The following MAGI2 variants were observed in gnomAD, a reference collection of about 807,000 sequenced individuals.
MAGI2 encodes membrane associated guanylate kinase, WW and PDZ domain containing 2.
In MAGI2, 35 loss-of-function variants were observed where a neutral mutation model predicts 133.3. The observed-to-expected ratio is 0.26, with a 90% CI of 0.20 to 0.35. MAGI2 has a LOEUF of 0.35. Ranked by LOEUF, MAGI2 falls within the 10% of genes least tolerant of loss-of-function variation. The pLI, the probability that MAGI2 is intolerant of heterozygous loss-of-function variation, is 1.00. For synonymous variants in MAGI2, 729 were observed against 710.6 expected, an observed-to-expected ratio of 1.03 and a Z score of -0.41; for missense variants, 1,636 against 1,863.4, an observed-to-expected ratio of 0.88 and a Z score of 2.25.
At chr7:78,388,167 A>G (rs958575235) in intron 6 of MAGI2, among the ~76,000 whole-genome samples, 1 of 152,096 alleles carries the variant, frequency 6.6e-6, no homozygotes, top group Admixed American at 6.6e-5. Context: ...TTTATTCTGC[A>G]TGATGTTATA....
intron 21 of MAGI2, among the ~76,000 whole-genome samples, chr7:78,023,248 G>A (rs1209380041): frequency 6.6e-6 from 1 of 152,196 alleles, no homozygotes; most frequent in Non-Finnish European, 1.5e-5. Flanking sequence ...TCTAAGACTG[G>A]AAAATCTAGT....
chr7:78,862,320 C>T (rs551795485), intron 2 of MAGI2, among the ~76,000 whole-genome samples: 14 of 152,302 alleles, frequency 9.2e-5, no homozygotes, highest in African/African-American at 2.9e-4. Flanking sequence ...TTTAGGTCTC[C>T]TGGTCCTGAC....
chr7:78,169,712 T>C (rs924596374), intron 14 of MAGI2, among the ~76,000 whole-genome samples: 1 of 152,220 alleles, frequency 6.6e-6, no homozygotes, highest in African/African-American at 2.4e-5. Flanking sequence ...GTGTGGAATA[T>C]TAAGTGTTCT....
At chr7:78,146,123 A>T (rs1420139419) in intron 16 of MAGI2, among the ~76,000 whole-genome samples, 1 of 151,880 alleles carries the variant, frequency 6.6e-6, no homozygotes, top group African/African-American at 2.4e-5. Context: ...TATTTTAAAC[A>T]TAAAAATTTC....
intron 1 of MAGI2, among the ~76,000 whole-genome samples, chr7:79,013,904 G>A (rs992767190): frequency 1.3e-5 from 2 of 152,086 alleles, no homozygotes; most frequent in African/African-American, 4.8e-5. Context: ...TTCCATAGCT[G>A]AAAATTTTTA....
intron 1 of MAGI2, among the ~76,000 whole-genome samples, chr7:79,354,639 G>T (rs969851052): frequency 6.6e-6 from 1 of 152,120 alleles, no homozygotes. Context: ...TAAGAGAGGT[G>T]CCCTGGTCCC....
At chr7:78,177,766 G>A (rs572204824) in intron 14 of MAGI2, among the ~76,000 whole-genome samples, 2 of 151,974 alleles carry the variant, frequency 1.3e-5, no homozygotes, top group Admixed American at 6.6e-5. Context: ...GAATTCAATC[G>A]ATTCTAAAAA....
At chr7:78,855,591 T>C (rs1301681688) in intron 2 of MAGI2, among the ~76,000 whole-genome samples, 1 of 152,224 alleles carries the variant, frequency 6.6e-6, no homozygotes, top group African/African-American at 2.4e-5. Flanking sequence ...AACTCATCTG[T>C]TTTTATGGCT....
Position 78,239,253 on chromosome 7 carries a change from A to G in MAGI2, c.2047+16690T>C, listed in dbSNP as rs182616356. On this transcript the variant is annotated intron_variant, in intron 10 of 21. Transcript: ENST00000354212. ...ATTATATCTCTCACCATATACAAAT[A>G]TCAACTCAAAATGGCTCAAAGACTT... Among the ~76,000 whole-genome samples the G allele has an allele frequency of 6.6e-5, 10 of 152,320 alleles. No homozygotes were observed. The East Asian group carries it at 9.6e-4, about 15-fold the overall frequency.
intron 2 of MAGI2, among the ~76,000 whole-genome samples, chr7:78,987,621 A>G (rs1400711672): frequency 3.9e-5 from 6 of 152,058 alleles, no homozygotes; most frequent in African/African-American, 1.4e-4. Context: ...ACAACTATGG[A>G]ATATTTATTT....
In MAGI2 at chr7:78,256,430, A is replaced by T; in HGVS notation, c.1560T>A (p.Ala520=). The T allele has an allele frequency of 1.2e-6, 2 of 1,613,958 alleles. No individual in the cohort carries two copies. The highest frequency in any genetic ancestry group is 1.7e-6 in the Non-Finnish European group (2 of 1,179,968). The change falls in exon 10 of 22, where the codon GCT becomes GCA. Residue 520 remains alanine, a synonymous_variant. Coordinates refer to ENST00000354212, the MANE Select transcript of MAGI2 (RefSeq NM_012301.4). ...TTGCAAGGGGTGGCACCATGCTGTT[A>T]GCAGGGTCTTCAGGATCAAAGGGCA... is the stretch of plus-strand genomic sequence containing the variant. ...YPLPFDPEDP[A]NSMVPPLAIM... is the part of the protein sequence containing the mutation.
chr7:79,426,657 T>C (rs766546513), intron 1 of MAGI2, among the ~76,000 whole-genome samples: 26 of 152,298 alleles, frequency 1.7e-4, no homozygotes, highest in East Asian at 1.2e-3. Flanking sequence ...TCTACAAATA[T>C]GTCAAATTAA....
intron 2 of MAGI2, among the ~76,000 whole-genome samples, chr7:78,682,109 T>C (rs2151097325): frequency 6.6e-6 from 1 of 152,238 alleles, no homozygotes; most frequent in Non-Finnish European, 1.5e-5. Flanking sequence ...AAATTCCAGT[T>C]TTAGTCTATA....
At chr7:78,842,555 ACAAAG>A (rs1792235092) in intron 2 of MAGI2, among the ~76,000 whole-genome samples, 1 of 151,932 alleles carries the variant, frequency 6.6e-6, no homozygotes, top group Admixed American at 6.6e-5. Context: ...ATCATTTTTA[ACAAAG>A]CAAAGAGCCT....
intron 9 of MAGI2, among the ~76,000 whole-genome samples, chr7:78,267,641 T>C (rs144249941): frequency 3.9e-5 from 6 of 152,226 alleles, no homozygotes; most frequent in Middle Eastern, 3.4e-3. Flanking sequence ...CAGAGAAAGA[T>C]AGTTATTATC....
chr7:78,678,071 G>A (rs1022009769), intron 2 of MAGI2, among the ~76,000 whole-genome samples: 1 of 152,114 alleles, frequency 6.6e-6, no homozygotes, highest in Admixed American at 6.6e-5. Context: ...AGCTTAGGGA[G>A]GCAGTACCGA....
intron 3 of MAGI2, among the ~76,000 whole-genome samples, chr7:78,590,778 T>C (rs1803916380): frequency 6.6e-6 from 1 of 152,222 alleles, no homozygotes; most frequent in African/African-American, 2.4e-5. Context: ...TGGTGACTGA[T>C]TCTACTACAG....
At chr7:78,192,598 A>C (rs1316762704) in intron 12 of MAGI2, among the ~76,000 whole-genome samples, 3 of 151,596 alleles carry the variant, frequency 2.0e-5, no homozygotes, top group Admixed American at 6.6e-5. Flanking sequence ...GAGACTAGAG[A>C]AAGTGGCGCC....
intron 1 of MAGI2, among the ~76,000 whole-genome samples, chr7:79,371,977 T>C (rs1232759202): frequency 1.3e-5 from 2 of 152,140 alleles, no homozygotes; most frequent in Non-Finnish European, 2.9e-5. Context: ...GTTGCATGCT[T>C]TACAGGCATT....
Sources: allele counts gnomAD v4.1 joint callset (sites outside exome capture counted in the v4.1 genomes callset), GRCh38; gene constraint gnomAD v4.1.1; transcripts MANE v1.5; gene names NCBI Gene and HGNC (gene_info 2026-07-23, HGNC 2026-07-21).